The following SLC18B1 variants were observed in gnomAD, a reference collection of about 807,000 sequenced individuals.
SLC18B1 encodes solute carrier family 18 member B1.
SLC18B1 carries 62 observed loss-of-function variants against 53.9 expected under a neutral mutation model. That is an observed-to-expected ratio of 1.15 (90% CI 0.94 to 1.42). The LOEUF (loss-of-function observed/expected upper bound fraction) is 1.42, where lower values mean the gene tolerates loss of function less well. Ranked by LOEUF, SLC18B1 falls within the 40% of genes most tolerant of loss-of-function variation. SLC18B1 has a pLI of 0.00. For missense variants in SLC18B1, 598 were observed against 547.3 expected (o/e 1.09, Z -0.93); for synonymous variants, 217 against 200.9 (o/e 1.08, Z -0.68).
At chr6:132,791,453 T>C (rs1335572908) in intron 2 of SLC18B1, among the ~76,000 whole-genome samples, 1 of 152,198 alleles carries the variant, frequency 6.6e-6, no homozygotes, top group African/African-American at 2.4e-5. Context: ...ACTATCATCA[T>C]TCAATCTTTG....
rs1487043176 is a variant in SLC18B1, at chr6:132,798,481, C to T, written c.-25G>A. The T allele has an allele frequency of 6.7e-7, 1 of 1,483,862 alleles. No individual in the cohort carries two copies. Among genetic ancestry groups the T allele is most frequent in the South Asian group, 1.3e-5 (1 of 77,350 alleles). The allele number at this position is 1,483,862 out of a possible 1,614,324, so 91.9% of individuals were successfully genotyped here. A position where few individuals can be genotyped will look rare whatever the true frequency, so the allele number is the denominator to read the frequency against. ...TCCCCGGTGCGTGGACTCCGGCGCCCCAGCTCCCGGCTTCAAGCCACGTCC... is the reference window on the plus strand; with the variant it reads ...TCCCCGGTGCGTGGACTCCGGCGCCTCAGCTCCCGGCTTCAAGCCACGTCC... On this transcript the variant is annotated 5_prime_UTR_variant, in exon 1 of 14. Coordinates refer to ENST00000275227, the MANE Select transcript of SLC18B1 (RefSeq NM_052831.3).
rs529464281 is a variant in SLC18B1 at position 132,791,950 on chromosome 6, G to C, written c.184-1678C>G. On this transcript the variant is annotated intron_variant, in intron 2 of 13. Coordinates refer to ENST00000275227, the MANE Select transcript of SLC18B1 (RefSeq NM_052831.3). ...AACGCATAAGAAAAATATGCGTGCCGGGCATGGGGGCTCACGCCTGTAATC... is the reference window on the plus strand; with the variant it reads ...AACGCATAAGAAAAATATGCGTGCCCGGCATGGGGGCTCACGCCTGTAATC... Among the ~76,000 whole-genome samples, 82 of 152,082 alleles carry C rather than the reference G, an allele frequency of 5.4e-4. 1 individual carries two copies. The highest frequency in any genetic ancestry group is 1.9e-3 in the African/African-American group (79 of 41,486).
At chr6:132,784,152 A>C (rs1781310739) in intron 5 of SLC18B1, 63 bp from the exon 6 acceptor site, 3 of 1,339,058 alleles carry the variant, frequency 2.2e-6, no homozygotes, top group Admixed American at 2.9e-5. Context: ...ACATGGTACT[A>C]TCTTTAAAAA....
At position 132,798,410 on chromosome 6, in the gene SLC18B1, T is replaced by C; in HGVS notation, c.43+4A>G. 2.6e-6 allele frequency: 4 copies of C among 1,527,700 alleles called. No homozygotes were observed. The highest frequency in any genetic ancestry group is 3.5e-6 in the Non-Finnish European group (4 of 1,135,210). The allele number at this position is 1,527,700 out of a possible 1,614,324, so 94.6% of individuals were successfully genotyped here. A position where few individuals can be genotyped will look rare whatever the true frequency, so the allele number is the denominator to read the frequency against. Reference sequence around the variant, plus strand: ...GGGCTCCCGGCCACGCAATTCATGGTCACCTCCTGGTGCGCGTGGTCCCTC... The same window carrying C: ...GGGCTCCCGGCCACGCAATTCATGGCCACCTCCTGGTGCGCGTGGTCCCTC... On this transcript the variant is annotated splice_donor_region_variant and intron_variant, in intron 1 of 13. Coordinates refer to ENST00000275227, the MANE Select transcript of SLC18B1 (RefSeq NM_052831.3).
intron 10 of SLC18B1, 34 bp downstream of exon 10, chr6:132,772,959 C>T: frequency 4.1e-6 from 6 of 1,477,550 alleles, no homozygotes; most frequent in Non-Finnish European, 5.7e-6. Flanking sequence ...TACTTATTCA[C>T]AATACAGCTC....
At chr6:132,771,194 C>A in intron 11 of SLC18B1, 65 bp from the exon 12 acceptor site, 2 of 1,368,376 alleles carry the variant, frequency 1.5e-6, no homozygotes, top group East Asian at 2.3e-5. Flanking sequence ...TCATGAAAAG[C>A]TACATGATCC....
chr6:132,797,036 C>T lies in SLC18B1; in HGVS notation c.129G>A (p.Val43=). The T allele has an allele frequency of 6.2e-6, 10 of 1,614,174 alleles. No individual in the cohort carries two copies. Among genetic ancestry groups the T allele is most frequent in the Non-Finnish European group, 8.5e-6 (10 of 1,180,010 alleles). Residue 43 remains valine (V), a synonymous_variant, in exon 2 of 14, where the codon GTG becomes GTA. Coordinates refer to ENST00000275227, the MANE Select transcript of SLC18B1 (RefSeq NM_052831.3). ...QVFVLISAAS[V]NLGSMMCYSI... The stretch of plus-strand genomic sequence containing the variant: ...AATAGCACATCATGGAACCTAAGTT[C>T]ACCGAAGCTGCCGATATCAGTACAA...
At chr6:132,788,297 C>A (rs1023579495) in intron 4 of SLC18B1, among the ~76,000 whole-genome samples, 1 of 150,962 alleles carries the variant, frequency 6.6e-6, no homozygotes, top group African/African-American at 2.4e-5. Context: ...CTTTTTTTTC[C>A]TTTTTAACTG....
At chr6:132,780,189 C>G (rs1331561192) in intron 6 of SLC18B1, among the ~76,000 whole-genome samples, 6 of 151,872 alleles carry the variant, frequency 4.0e-5, no homozygotes, top group Non-Finnish European at 5.9e-5. Flanking sequence ...GCCTCCAACT[C>G]CTGCGTGCTC....
At chr6:132,774,347 T>C (rs1418774601) in intron 8 of SLC18B1, 34 bp from the exon 9 acceptor site, 1 of 1,529,088 alleles carries the variant, frequency 6.5e-7, no homozygotes, top group Non-Finnish European at 9.0e-7. Context: ...AAATGATTCT[T>C]AGAGGCAAAG....
At chr6:132,797,458 G>A (rs1420263356) in intron 1 of SLC18B1, among the ~76,000 whole-genome samples, 2 of 152,094 alleles carry the variant, frequency 1.3e-5, no homozygotes, top group East Asian at 1.9e-4. Context: ...AATTAGCCGG[G>A]CGTGGTGGCG....
At chr6:132,783,874 T>C in intron 6 of SLC18B1, 59 bp downstream of exon 6, 1 of 1,323,048 alleles carries the variant, frequency 7.6e-7, no homozygotes, top group Non-Finnish European at 9.9e-7. Context: ...AACTGGTCTC[T>C]TACAAAGGTA....
intron 2 of SLC18B1, among the ~76,000 whole-genome samples, chr6:132,792,395 A>AGAAG (rs375717035): frequency 0.05 from 7,415 of 147,864 alleles, 279 homozygotes; most frequent in Middle Eastern, 0.069. Context: ...AAAGAAGGAA[A>AGAAG]GAAGGAAGGA....
chr6:132,775,398 C>G (rs1781073755), intron 8 of SLC18B1, among the ~76,000 whole-genome samples: 1 of 152,162 alleles, frequency 6.6e-6, no homozygotes, highest in African/African-American at 2.4e-5. Context: ...CTACTTGAAT[C>G]AGGACAAAAA....
chr6:132,790,122 T>C, intron 3 of SLC18B1, 55 bp downstream of exon 3: 4 of 1,297,590 alleles, frequency 3.1e-6, no homozygotes, highest in South Asian at 2.8e-5. Flanking sequence ...TAAACGAAAA[T>C]AATCCATCAT....
At chr6:132,782,365 A>G (rs933679153) in intron 6 of SLC18B1, among the ~76,000 whole-genome samples, 2 of 152,168 alleles carry the variant, frequency 1.3e-5, no homozygotes, top group African/African-American at 2.4e-5. Context: ...AAATCAAGCT[A>G]ATTAACACAT....
chr6:132,789,513 T>C, intron 4 of SLC18B1: 1 of 324,918 alleles, frequency 3.1e-6, no homozygotes. Flanking sequence ...TTTCTGTCAC[T>C]CACAATCACA....
intron 7 of SLC18B1, among the ~76,000 whole-genome samples, chr6:132,776,968 C>T (rs1400943479): frequency 6.6e-6 from 1 of 152,058 alleles, no homozygotes; most frequent in Non-Finnish European, 1.5e-5. Context: ...GCCTGAAATC[C>T]CAGCATTTAG....
In SLC18B1 at chr6:132,798,521, C is replaced by A; in HGVS notation, c.-65G>T. 7.2e-7 allele frequency: 1 copy of A among 1,389,188 alleles called. No individual in the cohort carries two copies. The highest frequency in any genetic ancestry group is 9.4e-7 in the Non-Finnish European group (1 of 1,060,366). 86.1% of individuals were successfully genotyped at this position (1,389,188 alleles called of 1,614,324 possible). ...AAGCCACGTCCTTGGACTCGACCTC[C>A]AAGGAGCCACTGGCACTCTGGCGGG... On this transcript the variant is annotated 5_prime_UTR_variant, in exon 1 of 14. Transcript: ENST00000275227.
Sources: gnomAD v4.1 joint callset for allele counts (sites outside exome capture counted in the v4.1 genomes callset) on GRCh38, gnomAD v4.1.1 for gene constraint, MANE v1.5 for transcripts, NCBI Gene and HGNC (gene_info 2026-07-23, HGNC 2026-07-21) for gene names.